Variants in GOLGA2 observed in about 807,000 individuals in gnomAD.
GOLGA2 encodes golgin A2, also known as golgin subfamily A member 2.
GOLGA2 carries 49 observed loss-of-function variants against 148.8 expected under a neutral mutation model. That is an observed-to-expected ratio of 0.33 (90% CI 0.26 to 0.42). GOLGA2 has a LOEUF of 0.42. Ranked by LOEUF, GOLGA2 falls within the 10% of genes least tolerant of loss-of-function variation. The pLI, the probability that GOLGA2 is intolerant of heterozygous loss-of-function variation, is 1.00. For synonymous variants in GOLGA2, 501 were observed against 511.8 expected (o/e 0.98, Z 0.28); for missense variants, 1,178 against 1,304.6 (o/e 0.90, Z 1.49).
At position 128,257,203 on chromosome 9, in the gene GOLGA2, G is replaced by C; in HGVS notation, c.2954C>G (p.Pro985Arg). The C allele has an allele frequency of 6.2e-7, 1 of 1,613,960 alleles. No homozygotes were observed. Among genetic ancestry groups the C allele is most frequent in the Non-Finnish European group, 8.5e-7 (1 of 1,179,972 alleles). Residue 985 changes from proline (P) to arginine (R), a missense_variant, in exon 27 of 27, where the codon CCC (proline) becomes CGC (arginine). Pro to Arg is a moderately radical substitution (Grantham distance 103). This residue lies in a region of GOLGA2 where 149 missense variants were observed against 154.9 expected (regional missense o/e 0.96). Coordinates refer to ENST00000611957, the MANE Select transcript of GOLGA2 (RefSeq NM_001366244.2). This position sits in a 1 kb window ranked among gnomAD's most constrained non-coding sequence, Gnocchi z 8.0. Reference sequence around the variant, plus strand: ...CAGCTGCATGATCTGCTGTGCAGTGGGGTTGTCACGGGGAGAACCCTCCCT... The same window carrying C: ...CAGCTGCATGATCTGCTGTGCAGTGCGGTTGTCACGGGGAGAACCCTCCCT... ...EAREGSPRDN[P>R]TAQQIMQLLR...
At position 128,272,806 on chromosome 9, in the gene GOLGA2, G is replaced by C. The variant is rs948918983; in HGVS notation, c.267C>G (p.Leu89=). Residue 89 remains leucine (L), a synonymous_variant, in exon 3 of 27, where the codon CTC becomes CTG. Coordinates refer to ENST00000611957, the MANE Select transcript of GOLGA2 (RefSeq NM_001366244.2). ...TCACCTTCCACTTGTCCAATGGGGG[G>C]AGCGCTACCCCATTGGAACGGTTAA... ...SDLNRSNGVA[L]PPLDKWKTPK... 11 of 1,267,600 alleles carry C rather than the reference G, an allele frequency of 8.7e-6. No individual in the cohort carries two copies. Among genetic ancestry groups the C allele is most frequent in the Non-Finnish European group, 1.1e-5 (11 of 971,434 alleles). The allele number at this position is 1,267,600 out of a possible 1,614,324, so 78.5% of individuals were successfully genotyped here.
At chr9:128,268,236 C>A in intron 4 of GOLGA2, 76 bp from the exon 5 acceptor site, 1 of 1,330,546 alleles carries the variant, frequency 7.5e-7, no homozygotes, top group Non-Finnish European at 1.1e-6. Context: ...AGTCAAGCTC[C>A]CAAACTCATT....
chr9:128,270,294 G>C (rs551821492), intron 3 of GOLGA2, among the ~76,000 whole-genome samples: 86 of 152,096 alleles, frequency 5.7e-4, no homozygotes, highest in African/African-American at 2.0e-3. Flanking sequence ...ACCACGCCCA[G>C]CTAATTTTTG....
In GOLGA2 at chr9:128,272,865, T is replaced by G; in HGVS notation, c.208A>C (p.Ile70Leu). ...TSGGCHSPED[I>L]QDILKVLVSD... ...ACCAGCACCTTCAGAATGTCCTGAA[T>G]CTACAGGAGGCGAAAAGGGAAAAAC... Residue 70 changes from isoleucine (I) to leucine (L), a missense_variant and splice_region_variant, in exon 3 of 27, where the codon ATT becomes CTT. Ile to Leu is a conservative substitution (Grantham distance 5). Around this residue, in one of 5 missense-constraint regions of GOLGA2, gnomAD observed 158 missense variants for 156.6 expected, o/e 1.01. Transcript: ENST00000611957. 1.6e-6 allele frequency: 2 copies of G among 1,263,440 alleles called. No individual in the cohort carries two copies. The highest frequency in any genetic ancestry group is 2.1e-6 in the Non-Finnish European group (2 of 967,338). The allele number at this position is 1,263,440 out of a possible 1,614,324, so 78.3% of individuals were successfully genotyped here.
At chr9:128,272,209 A>G (rs1280908514) in intron 3 of GOLGA2, among the ~76,000 whole-genome samples, 1 of 151,328 alleles carries the variant, frequency 6.6e-6, no homozygotes, top group Admixed American at 6.6e-5. Context: ...CCAGACTGGG[A>G]GCAGTGGCTC....
chr9:128,263,855 TA>T (rs1290789968), intron 12 of GOLGA2, among the ~76,000 whole-genome samples: 1 of 151,332 alleles, frequency 6.6e-6, no homozygotes, highest in East Asian at 2.0e-4. Context: ...CATTTGTTTT[TA>T]AAAAAACTTG....
chr9:128,262,323 TAAAAC>T (rs146022758), intron 14 of GOLGA2, among the ~76,000 whole-genome samples: 61,032 of 151,304 alleles, frequency 0.4, 15,130 homozygotes, highest in African/African-American at 0.7. Context: ...CATGATGCTT[TAAAAC>T]AAAACAAAAC....
At position 128,261,696 on chromosome 9, in the gene GOLGA2, C is replaced by T; in HGVS notation, c.1196G>A (p.Arg399Gln). 12 of 1,612,592 alleles carry T rather than the reference C, an allele frequency of 7.4e-6. No homozygotes were observed. The highest frequency in any genetic ancestry group is 9.3e-6 in the Non-Finnish European group (11 of 1,178,616). Residue 399 changes from arginine (R) to glutamine (Q), a missense_variant, in exon 15 of 27, where the codon CGG becomes CAG. Around this residue, in one of 5 missense-constraint regions of GOLGA2, gnomAD observed 304 missense variants for 404.1 expected, o/e 0.75. Coordinates refer to ENST00000611957, the MANE Select transcript of GOLGA2 (RefSeq NM_001366244.2). The surrounding 1 kb of genome is among the most constrained non-coding windows in gnomAD (Gnocchi z 5.7). ...NQQLQQAMEE[R>Q]AQLEAHLGQV... ...CCCCAGGTGTGCTTCCAGCTGTGCC[C>T]GCTCCTCCATGGCCTGCTGTAACTG...
chr9:128,268,312 G>A (rs1232652323), intron 4 of GOLGA2, 108 bp downstream of exon 4: 2 of 1,027,236 alleles, frequency 1.9e-6, no homozygotes, highest in Admixed American at 1.7e-5. Context: ...CCCCGGCCCG[G>A]TCCCCAGGAA....
At position 128,265,650 on chromosome 9, in the gene GOLGA2, G is replaced by A. The variant is rs996232169; in HGVS notation, c.868C>T (p.Arg290Trp). ...GCCCGCTCCAACTCTCCCACACGCC[G>A]CCGGGAATACTGCAGGCGGCTGGCC... ...DLASRLQYSR[R>W]RVGELERALS... is the part of the protein sequence containing the mutation. Residue 290 changes from arginine to tryptophan, a missense_variant, in exon 12 of 27, where the codon CGG becomes TGG. Coordinates refer to ENST00000611957, the MANE Select transcript of GOLGA2 (RefSeq NM_001366244.2). The A allele has an allele frequency of 1.3e-5, 21 of 1,613,866 alleles. No individual in the cohort carries two copies. The East Asian group carries it at 1.8e-4, about 14-fold the overall frequency.
At chr9:128,275,591 G>A in intron 1 of GOLGA2, 1 of 999,862 alleles carries the variant, frequency 1.0e-6, no homozygotes, top group Non-Finnish European at 1.4e-6. Context: ...CTAGGTCCTT[G>A]GAGACGCCAG....
chr9:128,265,114 G>A (rs1830513134), intron 12 of GOLGA2, among the ~76,000 whole-genome samples: 1 of 152,164 alleles, frequency 6.6e-6, no homozygotes, highest in Non-Finnish European at 1.5e-5. Flanking sequence ...CTCCGAAAGG[G>A]CAGAAGGGAA....
intron 13 of GOLGA2, 55 bp downstream of exon 13, chr9:128,262,979 A>C: frequency 8.6e-7 from 1 of 1,163,966 alleles, no homozygotes; most frequent in Non-Finnish European, 1.3e-6. Flanking sequence ...ACCTCCCAGC[A>C]CACCACCCAT....
chr9:128,270,398 C>T (rs1227869503), intron 3 of GOLGA2, among the ~76,000 whole-genome samples: 4 of 152,104 alleles, frequency 2.6e-5, no homozygotes. Context: ...TCCCAAAGTG[C>T]TGGGATTACA....
At chr9:128,264,536 C>T (rs1326227234) in intron 12 of GOLGA2, among the ~76,000 whole-genome samples, 7 of 152,154 alleles carry the variant, frequency 4.6e-5, no homozygotes, top group Non-Finnish European at 1.0e-4. Flanking sequence ...AAGCAATTCT[C>T]CTGCCTCAGC....
chr9:128,261,220 G>T lies in GOLGA2; in HGVS notation c.1372C>A (p.Arg458=). Residue 458 remains arginine (R), a synonymous_variant, in exon 17 of 27, where the codon CGG becomes AGG. Transcript: ENST00000611957. The surrounding 1 kb of genome is among the most constrained non-coding windows in gnomAD (Gnocchi z 5.7). ...AAGCTCGTCTCCAGCTCCTGTACCC[G>T]ACTCATGCTACATTCCTTCTCCTCT... ...LREEKECSMS[R]VQELETSLAE... 6.2e-7 allele frequency: 1 copy of T among 1,613,902 alleles called. No individual in the cohort carries two copies. The highest frequency in any genetic ancestry group is 1.1e-5 in the South Asian group (1 of 91,072).
chr9:128,265,349 G>A (rs572040715), intron 12 of GOLGA2, among the ~76,000 whole-genome samples: 60 of 152,246 alleles, frequency 3.9e-4, no homozygotes, highest in African/African-American at 1.2e-3. Flanking sequence ...ACGGCACAGC[G>A]GGCACTTGGC....
Position 128,258,436 on chromosome 9 carries a change from G to A in GOLGA2, c.2289+19C>T. The A allele has an allele frequency of 6.3e-7, 1 of 1,598,376 alleles. No individual in the cohort carries two copies. Among genetic ancestry groups the A allele is most frequent in the Non-Finnish European group, 8.6e-7 (1 of 1,166,250 alleles). Reference sequence around the variant, plus strand: ...ACAGAGGGAGGCAGCAAAGGTTGGGGAGGGGGAGTCAGCCTCACCATGGCT... The same window carrying A: ...ACAGAGGGAGGCAGCAAAGGTTGGGAAGGGGGAGTCAGCCTCACCATGGCT... On this transcript the variant is annotated intron_variant, in intron 22 of 26. Coordinates refer to ENST00000611957, the MANE Select transcript of GOLGA2 (RefSeq NM_001366244.2). This position sits in a 1 kb window ranked among gnomAD's most constrained non-coding sequence, Gnocchi z 6.6.
Position 128,266,378 on chromosome 9 carries a change from TC to T in GOLGA2, c.643-54del. 1.3e-6 allele frequency: 2 copies of T among 1,516,804 alleles called. No individual in the cohort carries two copies. Among genetic ancestry groups the T allele is most frequent in the Non-Finnish European group, 1.8e-6 (2 of 1,095,052 alleles). The allele number at this position is 1,516,804 out of a possible 1,614,324, so 94.0% of individuals were successfully genotyped here. A position where few individuals can be genotyped will look rare whatever the true frequency, so the allele number is the denominator to read the frequency against. ...CTGAGGGTGGCCCCCTCAACTCTATTCCCCAGACCAGGAACGGGTAGGCAGG... is the reference window on the plus strand; with the variant it reads ...CTGAGGGTGGCCCCCTCAACTCTATTCCCAGACCAGGAACGGGTAGGCAGG... On this transcript the variant is annotated intron_variant, in intron 8 of 26. Transcript: ENST00000611957. This position sits in a 1 kb window ranked among gnomAD's most constrained non-coding sequence, Gnocchi z 4.2.
Sources: gnomAD v4.1 joint callset for allele counts (sites outside exome capture counted in the v4.1 genomes callset) on GRCh38, gnomAD v4.1.1 for gene constraint, gnomAD v4.1.1 regional missense constraint, Gnocchi (gnomAD v3.1) non-coding constraint, MANE v1.5 for transcripts, NCBI Gene and HGNC (gene_info 2026-07-23, HGNC 2026-07-21) for gene names.